PRKG2: variants seen among roughly 807,000 people sequenced by gnomAD.
PRKG2 encodes the protein protein kinase cGMP-dependent 2.
In PRKG2, 33 loss-of-function variants were observed where a neutral mutation model predicts 97.2. That is an observed-to-expected ratio of 0.34 (90% CI 0.26 to 0.45). The LOEUF (loss-of-function observed/expected upper bound fraction) is 0.45. PRKG2 is among the 20% of genes least tolerant of loss of function. The probability of loss-of-function intolerance (pLI) is 1.00; values close to 1 mark genes in which losing one functional copy is unlikely to be tolerated. For synonymous variants in PRKG2, 330 were observed against 321.8 expected, an observed-to-expected ratio of 1.03 and a Z score of -0.27; for missense variants, 638 against 900.0, an observed-to-expected ratio of 0.71 and a Z score of 3.73.
intron 16 of PRKG2, 145 bp downstream of exon 16, chr4:81,105,668 A>G (rs1385914201): frequency 6.7e-6 from 8 of 1,200,136 alleles, no homozygotes; most frequent in Non-Finnish European, 8.0e-6. Flanking sequence ...ACTGCAAAAC[A>G]GAAAATGACT....
At chr4:81,162,327 G>A (rs1460194623) in intron 6 of PRKG2, among the ~76,000 whole-genome samples, 1 of 152,136 alleles carries the variant, frequency 6.6e-6, no homozygotes, top group Non-Finnish European at 1.5e-5. Context: ...CCTTCCTGCT[G>A]TTAGCTATGG....
chr4:81,100,010 T>C (rs1742559506), intron 17 of PRKG2, among the ~76,000 whole-genome samples: 1 of 152,172 alleles, frequency 6.6e-6, no homozygotes, highest in Non-Finnish European at 1.5e-5. Flanking sequence ...TTACAAGGCA[T>C]GTGAAGAACC....
chr4:81,104,969 A>C (rs994906370), intron 16 of PRKG2, among the ~76,000 whole-genome samples: 3 of 152,226 alleles, frequency 2.0e-5, no homozygotes, highest in Non-Finnish European at 4.4e-5. Context: ...GGGGTAATTT[A>C]AAATAAGAAC....
chr4:81,123,303 AC>A (rs1745238364), intron 14 of PRKG2, among the ~76,000 whole-genome samples: 1 of 152,108 alleles, frequency 6.6e-6, no homozygotes, highest in South Asian at 2.1e-4. Context: ...TCATGTGGTA[AC>A]CCCATTTATC....
chr4:81,130,021 G>A (rs1005197505), intron 14 of PRKG2, among the ~76,000 whole-genome samples: 1 of 152,102 alleles, frequency 6.6e-6, no homozygotes, highest in Admixed American at 6.5e-5. Flanking sequence ...TTGTAAGGCA[G>A]TCCTCGTAGT....
At chr4:81,153,600 T>C (rs987167577) in intron 7 of PRKG2, 44 bp downstream of exon 7, 2 of 1,461,312 alleles carry the variant, frequency 1.4e-6, no homozygotes, top group Non-Finnish European at 9.5e-7. Context: ...GCAAACTGAT[T>C]TAAAATAATC....
At chr4:81,169,530 T>C (rs1750275930) in intron 5 of PRKG2, 133 bp downstream of exon 5, 3 of 667,288 alleles carry the variant, frequency 4.5e-6, no homozygotes, top group Non-Finnish European at 7.7e-6. Context: ...GCAAGCAATG[T>C]TCCTTTGGTT....
intron 17 of PRKG2, among the ~76,000 whole-genome samples, chr4:81,098,673 G>A (rs1220553035): frequency 1.3e-5 from 2 of 152,088 alleles, no homozygotes; most frequent in African/African-American, 2.4e-5. Context: ...GGAGAGATGG[G>A]AAAATGGGCC....
At chr4:81,166,398 C>T (rs1364339345) in intron 6 of PRKG2, among the ~76,000 whole-genome samples, 1 of 151,774 alleles carries the variant, frequency 6.6e-6, no homozygotes, top group Non-Finnish European at 1.5e-5. Context: ...CTTTAAATTC[C>T]ATAAAGCCAT....
At chr4:81,138,601 A>G (rs1746951467) in intron 12 of PRKG2, among the ~76,000 whole-genome samples, 1 of 152,088 alleles carries the variant, frequency 6.6e-6, no homozygotes, top group Non-Finnish European at 1.5e-5. Flanking sequence ...ATTCTAATTG[A>G]CCAGTGAGAT....
intron 7 of PRKG2, 125 bp downstream of exon 7, chr4:81,153,519 C>G: frequency 1.5e-6 from 1 of 686,908 alleles, no homozygotes; most frequent in Non-Finnish European, 2.4e-6. Flanking sequence ...TGGGACTCTA[C>G]TGGTAGAAGC....
intron 17 of PRKG2, among the ~76,000 whole-genome samples, chr4:81,095,964 A>G (rs1441986402): frequency 1.3e-5 from 2 of 152,178 alleles, no homozygotes; most frequent in Non-Finnish European, 2.9e-5. Flanking sequence ...AAAAATGTAC[A>G]TAATTTTAAA....
In PRKG2 at chr4:81,088,639, T is replaced by C. The variant is rs1372413445; in HGVS notation, c.*1069A>G. 6.6e-6 allele frequency: 1 copy of C among 152,164 alleles called. No homozygotes were observed. Among genetic ancestry groups the C allele is most frequent in the Non-Finnish European group, 1.5e-5 (1 of 68,022 alleles). 9.4% of individuals were successfully genotyped at this position (152,164 alleles called of 1,614,324 possible). ...TCTGGTGGCTTGCCTGTCTTAACAA[T>C]CTAAATTTATAAACACATCCATGAC... On this transcript the variant is annotated 3_prime_UTR_variant, in exon 19 of 19. Coordinates refer to ENST00000264399, the MANE Select transcript of PRKG2 (RefSeq NM_006259.3).
At chr4:81,110,777 G>GACAGACA (rs1450401980) in intron 14 of PRKG2, among the ~76,000 whole-genome samples, 166 bp from the exon 15 acceptor site, 2,091 of 85,502 alleles carry the variant, frequency 0.024, 57 homozygotes, top group African/African-American at 0.061. Flanking sequence ...ACAGACAGAC[G>GACAGACA]GACAGACAGA....
At chr4:81,203,972 T>A (rs1753482457) in intron 2 of PRKG2, among the ~76,000 whole-genome samples, 1 of 152,186 alleles carries the variant, frequency 6.6e-6, no homozygotes, top group Non-Finnish European at 1.5e-5. Flanking sequence ...CCTGCTATAG[T>A]ATTGGCTTTT....
At chr4:81,154,987 A>C (rs1436099470) in intron 6 of PRKG2, among the ~76,000 whole-genome samples, 2 of 151,990 alleles carry the variant, frequency 1.3e-5, no homozygotes, top group Non-Finnish European at 2.9e-5. Context: ...ATCCCGGCTA[A>C]CACGGTGAAA....
chr4:81,096,397 A>G (rs1742118733), intron 17 of PRKG2, among the ~76,000 whole-genome samples: 1 of 152,080 alleles, frequency 6.6e-6, no homozygotes, highest in South Asian at 2.1e-4. Flanking sequence ...TTATCCAGAC[A>G]TGGTGGCATG....
chr4:81,170,448 A>C (rs1750363641), intron 4 of PRKG2, among the ~76,000 whole-genome samples: 1 of 152,124 alleles, frequency 6.6e-6, no homozygotes, highest in African/African-American at 2.4e-5. Context: ...AACGAGTAAC[A>C]AAGCCTCTAA....
intron 2 of PRKG2, among the ~76,000 whole-genome samples, chr4:81,196,717 A>G (rs1033932245): frequency 3.3e-5 from 5 of 151,540 alleles, no homozygotes; most frequent in African/African-American, 1.2e-4. Flanking sequence ...TAAAATATAT[A>G]TAAAATATAA....
Sources: allele counts gnomAD v4.1 joint callset (sites outside exome capture counted in the v4.1 genomes callset), GRCh38; gene constraint gnomAD v4.1.1; transcripts MANE v1.5; gene names NCBI Gene and HGNC (gene_info 2026-07-23, HGNC 2026-07-21).